CD46: variants seen among roughly 807,000 people sequenced by gnomAD.
CD46 encodes the protein membrane cofactor protein.
In CD46, 30 loss-of-function variants were observed where a neutral mutation model predicts 53.3. The ratio of observed to expected loss-of-function variants is 0.56; its 90% CI spans 0.42 to 0.76. The LOEUF is 0.76. CD46 is among the 30% of genes least tolerant of loss of function. The pLI is 0.00. For synonymous variants in CD46, 142 were observed against 152.0 expected (o/e 0.93, Z 0.48); for missense variants, 409 against 463.0 (o/e 0.88, Z 1.07).
At chr1:207,769,009 C>T (rs1483570190) in intron 7 of CD46, 1 of 152,102 alleles carries the variant, frequency 6.6e-6, no homozygotes, top group East Asian at 1.9e-4. Context: ...CCTGTAATAC[C>T]AGAACTTTGG....
chr1:207,770,727 T>C (rs10746399), intron 8 of CD46, among the ~76,000 whole-genome samples: 93,067 of 152,028 alleles, frequency 0.61, 28,856 homozygotes, highest in East Asian at 0.91. Flanking sequence ...GCAAAGGACA[T>C]GAACTCATCC....
intron 7 of CD46, chr1:207,769,728 T>C (rs1657254513): frequency 1.3e-5 from 2 of 152,784 alleles, no homozygotes; most frequent in Non-Finnish European, 2.9e-5. Context: ...CTACTTACAG[T>C]TTTTAAAAAG....
At chr1:207,779,620 A>G (rs933059962) in intron 8 of CD46, among the ~76,000 whole-genome samples, 3 of 152,292 alleles carry the variant, frequency 2.0e-5, no homozygotes, top group South Asian at 2.1e-4. Flanking sequence ...GGTCTTCTGT[A>G]TGCTGAAATT....
intron 9 of CD46, 95 bp downstream of exon 9, chr1:207,783,425 G>GT: frequency 1.3e-6 from 1 of 777,438 alleles, no homozygotes; most frequent in South Asian, 1.5e-5. Context: ...AGGATCCTTG[G>GT]TAGGGTAAGA....
At chr1:207,767,482 A>G (rs1419432697) in intron 6 of CD46, 2 of 872,998 alleles carry the variant, frequency 2.3e-6, no homozygotes, top group African/African-American at 3.3e-5. Flanking sequence ...GAATTACAAC[A>G]ACTTTTTGGA....
chr1:207,763,595 T>A (rs1180445883), intron 5 of CD46, among the ~76,000 whole-genome samples: 1 of 152,240 alleles, frequency 6.6e-6, no homozygotes, highest in African/African-American at 2.4e-5. Flanking sequence ...TTTCTTAGAA[T>A]TAAGTTTCAT....
chr1:207,788,068 A>C lies in CD46; in HGVS notation c.1083-2185A>C, dbSNP rs1420637564. On this transcript the variant is annotated intron_variant, in intron 11 of 12. Coordinates refer to ENST00000367042, the MANE Select transcript of CD46 (RefSeq NM_172351.3). ...ACTACTGATGTGCCTATATTGTTGA[A>C]GTCTGAAGAAACACTATGAAGCTTA... is the stretch of plus-strand genomic sequence containing the variant. Among the ~76,000 whole-genome samples the C allele has an allele frequency of 4.6e-5, 7 of 152,164 alleles. No homozygotes were observed. The East Asian group carries it at 1.3e-3, about 29-fold the overall frequency.
At chr1:207,771,805 T>C (rs1403200650) in intron 8 of CD46, among the ~76,000 whole-genome samples, 1 of 152,202 alleles carries the variant, frequency 6.6e-6, no homozygotes, top group Admixed American at 6.5e-5. Context: ...TGTAGCCTTG[T>C]AGTATAGTTT....
chr1:207,756,545 G>T (rs1384047978), intron 1 of CD46, among the ~76,000 whole-genome samples: 1 of 152,170 alleles, frequency 6.6e-6, no homozygotes, highest in Non-Finnish European at 1.5e-5. Context: ...AGAAAAAGAA[G>T]AACATGGTTC....
At position 207,793,483 on chromosome 1, in the gene CD46, T is replaced by C. The variant is rs182458021; in HGVS notation, c.*42-36T>C. 1.1e-5 allele frequency: 16 copies of C among 1,497,892 alleles called. No homozygotes were observed. The Admixed American group carries it at 1.5e-4, about 14-fold the overall frequency. 92.8% of individuals were successfully genotyped at this position (1,497,892 alleles called of 1,614,324 possible). A position where few individuals can be genotyped will look rare whatever the true frequency, so the allele number is the denominator to read the frequency against. On this transcript the variant is annotated intron_variant, in intron 12 of 12. Transcript: ENST00000367042. ...ATTTAATTTCTGTACTTAATTATAT[T>C]TATCTTTGACATGATCTTTATACCT...
intron 10 of CD46, 127 bp downstream of exon 10, chr1:207,785,233 C>G: frequency 5.3e-6 from 4 of 751,272 alleles, no homozygotes; most frequent in Non-Finnish European, 9.2e-6. Flanking sequence ...TTTAGGAAAA[C>G]CTGACTTTTT....
intron 11 of CD46, among the ~76,000 whole-genome samples, chr1:207,790,024 CTGTT>C (rs1279446702): frequency 6.6e-6 from 1 of 152,068 alleles, no homozygotes; most frequent in Non-Finnish European, 1.5e-5. Flanking sequence ...AATTTCCAGT[CTGTT>C]TATCTGCTGG....
intron 3 of CD46, among the ~76,000 whole-genome samples, chr1:207,759,205 A>C (rs1384133232): frequency 6.6e-6 from 1 of 152,216 alleles, no homozygotes; most frequent in African/African-American, 2.4e-5. Context: ...AGCTGAGTGA[A>C]GGAACTTTAA....
chr1:207,760,969 T>C lies in CD46; in HGVS notation c.476-280T>C, dbSNP rs1558049234. 5 of 408,376 alleles carry C rather than the reference T, an allele frequency of 1.2e-5. No individual in the cohort carries two copies. In the East Asian group the frequency reaches 2.7e-4, roughly 22 times the overall value. The allele number at this position is 408,376 out of a possible 1,614,324, so 25.3% of individuals were successfully genotyped here. On this transcript the variant is annotated intron_variant, in intron 4 of 12. Transcript: ENST00000367042. Reference sequence around the variant, plus strand: ...AGGCCCCACCTCCAACATTGTGGACTACAATTTGACATGCGATTTGGTGGG... The same window carrying C: ...AGGCCCCACCTCCAACATTGTGGACCACAATTTGACATGCGATTTGGTGGG...
Position 207,752,948 on chromosome 1 carries a change from T to G in CD46, c.97+639T>G, listed in dbSNP as rs1655090430. 6.6e-6 allele frequency among the ~76,000 whole-genome samples: 1 copy of G among 151,872 alleles called. No individual in the cohort carries two copies. The highest frequency in any genetic ancestry group is 2.4e-5 in the African/African-American group (1 of 41,314). ...GACTCTGGGGCTAGGGAGGGCATGT[T>G]GAGTGAGAGCAGGCTCTCGGTGCCT... is the stretch of plus-strand genomic sequence containing the variant. On this transcript the variant is annotated intron_variant, in intron 1 of 12. Coordinates refer to ENST00000367042, the MANE Select transcript of CD46 (RefSeq NM_172351.3). The surrounding 1 kb of genome is among the most constrained non-coding windows in gnomAD (Gnocchi z 4.1).
Position 207,793,617 on chromosome 1 carries a change from G to T in CD46, c.*140G>T. 1.3e-6 allele frequency: 2 copies of T among 1,596,296 alleles called. No homozygotes were observed. Among genetic ancestry groups the T allele is most frequent in the Non-Finnish European group, 1.7e-6 (2 of 1,163,898 alleles). On this transcript the variant is annotated 3_prime_UTR_variant, in exon 13 of 13. Transcript: ENST00000367042. ...ATAGATTCCACAACCTGGTTTGCCA[G>T]TTCATCTTTTGACTCTATTAAAATC...
chr1:207,783,957 G>T (rs1659034949), intron 9 of CD46, among the ~76,000 whole-genome samples: 1 of 152,174 alleles, frequency 6.6e-6, no homozygotes, highest in Non-Finnish European at 1.5e-5. Flanking sequence ...TTTAATAAAA[G>T]TAATGGCAGT....
rs1037394257 is a variant in CD46, at chr1:207,767,160, G to A, written c.821G>A (p.Ser274Asn). The A allele has an allele frequency of 2.5e-6, 4 of 1,613,762 alleles. No homozygotes were observed. In the African/African-American group the frequency reaches 5.3e-5, roughly 22 times the overall value. ...GACACAATTGTCTGTGACAGTAACAGTACTTGGGATCCCCCAGTTCCAAAG... is the reference window on the plus strand; with the variant it reads ...GACACAATTGTCTGTGACAGTAACAATACTTGGGATCCCCCAGTTCCAAAG... ...GSDTIVCDSN[S>N]TWDPPVPKCL... Residue 274 changes from serine (S) to asparagine (N), a missense_variant, in exon 6 of 13, where the codon AGT (serine) becomes AAT (asparagine). Coordinates refer to ENST00000367042, the MANE Select transcript of CD46 (RefSeq NM_172351.3).
intron 11 of CD46, among the ~76,000 whole-genome samples, chr1:207,789,726 T>C (rs1466420162): frequency 6.6e-6 from 1 of 152,062 alleles, no homozygotes; most frequent in Non-Finnish European, 1.5e-5. Context: ...ATACTCAATG[T>C]ATTCCCTCAA....
Sources: gnomAD v4.1 joint callset for allele counts (sites outside exome capture counted in the v4.1 genomes callset) on GRCh38, gnomAD v4.1.1 for gene constraint, Gnocchi (gnomAD v3.1) non-coding constraint, MANE v1.5 for transcripts, NCBI Gene and HGNC (gene_info 2026-07-23, HGNC 2026-07-21) for gene names.